IL17RB: variants seen among roughly 807,000 people sequenced by gnomAD.
The protein encoded by IL17RB is interleukin-17 receptor B.
A neutral mutation model predicts 43.9 loss-of-function variants in IL17RB; 36 were observed. The ratio of observed to expected loss-of-function variants is 0.82; its 90% CI spans 0.63 to 1.08. IL17RB has a LOEUF of 1.08. IL17RB is among the 50% of genes least tolerant of loss of function. The probability of loss-of-function intolerance (pLI) is 0.00; values close to 1 mark genes in which losing one functional copy is unlikely to be tolerated. For missense variants in IL17RB, 613 were observed against 613.6 expected, an observed-to-expected ratio of 1.00 and a Z score of 0.01; for synonymous variants, 225 against 225.4, an observed-to-expected ratio of 1.00 and a Z score of 0.02.
At position 53,851,368 on chromosome 3, in the gene IL17RB, G is replaced by A. The variant is rs373491484; in HGVS notation, c.227-631G>A. Among the ~76,000 whole-genome samples the A allele has an allele frequency of 2.9e-4, 44 of 152,308 alleles. No homozygotes were observed. The South Asian group carries it at 8.3e-3, about 29-fold the overall frequency. ...AGCTGTGCTTCATCTGAGTGGGATA[G>A]GGCGAGAGGAGCTGGAAAGGGTCTC... On this transcript the variant is annotated intron_variant, in intron 3 of 10. Transcript: ENST00000288167.
chr3:53,856,149 T>C (rs1239050883), intron 6 of IL17RB, among the ~76,000 whole-genome samples: 2 of 152,168 alleles, frequency 1.3e-5, no homozygotes, highest in Admixed American at 1.3e-4. Context: ...CAGAGGGCCT[T>C]GAAGTCAGTC....
intron 1 of IL17RB, among the ~76,000 whole-genome samples, chr3:53,847,751 C>T (rs950675419): frequency 5.9e-5 from 9 of 152,010 alleles, no homozygotes; most frequent in Non-Finnish European, 1.3e-4. Flanking sequence ...CCGAGATCTG[C>T]GCCACTGTAC....
rs772051181 is a variant in IL17RB at position 53,855,327 on chromosome 3, AG to A, written c.516del (p.Lys172AsnfsTer23). The A allele has an allele frequency of 1.2e-6, 2 of 1,606,434 alleles. No homozygotes were observed. Among genetic ancestry groups the A allele is most frequent in the African/African-American group, 1.3e-5 (1 of 74,834 alleles). On this transcript the variant is annotated frameshift_variant, in exon 6 of 11. Transcript: ENST00000288167. LOFTEE classifies it high-confidence loss of function. ...CLDHIMKYKK[K>X]CVKAGSLWDP... ...GACCACATAATGAAATATAAAAAAAAGTGTGTCAAGGCCGGTAAGTAAATAC... is the reference window on the plus strand; with the variant it reads ...GACCACATAATGAAATATAAAAAAAATGTGTCAAGGCCGGTAAGTAAATAC...
chr3:53,848,769 A>C (rs1028027958), intron 2 of IL17RB, 81 bp downstream of exon 2: 1 of 1,388,970 alleles, frequency 7.2e-7, no homozygotes, highest in African/African-American at 1.4e-5. Flanking sequence ...TATAGGCAAT[A>C]GGTCATCGAA....
At chr3:53,857,774 CTT>C (rs1699398269) in intron 8 of IL17RB, 84 bp downstream of exon 8, 2 of 1,229,294 alleles carry the variant, frequency 1.6e-6, no homozygotes, top group Admixed American at 1.8e-5. Flanking sequence ...TGAGTTCTCT[CTT>C]GTCAAATGCA....
chr3:53,865,495 T>C lies in IL17RB; in HGVS notation c.*187T>C. ...CATTAACTAACGATTGGAAACTACA[T>C]TTACAACTTCAAAGCTGTTTTATAC... On this transcript the variant is annotated 3_prime_UTR_variant, in exon 11 of 11. Transcript: ENST00000288167. 1.8e-6 allele frequency: 1 copy of C among 544,468 alleles called. No individual in the cohort carries two copies. The highest frequency in any genetic ancestry group is 3.2e-6 in the Non-Finnish European group (1 of 310,860). The allele number at this position is 544,468 out of a possible 1,614,324, so 33.7% of individuals were successfully genotyped here.
intron 3 of IL17RB, among the ~76,000 whole-genome samples, chr3:53,850,950 A>ATGTGTGTACTTTT (rs1699121617): frequency 6.6e-6 from 1 of 152,218 alleles, no homozygotes; most frequent in Non-Finnish European, 1.5e-5. Context: ...CAAGTGGTAC[A>ATGTGTGTACTTTT]CTTATGTGTG....
At chr3:53,861,170 C>T (rs954629449) in intron 10 of IL17RB, 24 of 152,142 alleles carry the variant, frequency 1.6e-4, no homozygotes, top group African/African-American at 5.8e-4. Context: ...CAGTGGTTCT[C>T]TGGTATTTTT....
Position 53,857,609 on chromosome 3 carries a change from T to A in IL17RB, c.673-7T>A. On this transcript the variant is annotated splice_polypyrimidine_tract_variant and splice_region_variant and intron_variant, in intron 7 of 10. Coordinates refer to ENST00000288167, the MANE Select transcript of IL17RB (RefSeq NM_018725.4). ...ACCTCATAATTCTTGACTCTCTCTC[T>A]CTTAAGCCACACCAGAAGAAACAAA... 1 of 1,613,844 alleles carries A rather than the reference T, an allele frequency of 6.2e-7. No homozygotes were observed. Among genetic ancestry groups the A allele is most frequent in the Non-Finnish European group, 8.5e-7 (1 of 1,179,756 alleles).
intron 4 of IL17RB, 26 bp from the exon 5 acceptor site, chr3:53,852,845 T>C: frequency 1.2e-6 from 2 of 1,610,818 alleles, no homozygotes; most frequent in Admixed American, 3.3e-5. Flanking sequence ...TTTTGGGAAT[T>C]GAGAGTTCCT....
chr3:53,865,481 G>T lies in IL17RB; in HGVS notation c.*173G>T. On this transcript the variant is annotated 3_prime_UTR_variant, in exon 11 of 11. Transcript: ENST00000288167. ...GCTAACTAATGTAGCATTAACTAAC[G>T]ATTGGAAACTACATTTACAACTTCA... 1.9e-6 allele frequency: 1 copy of T among 538,586 alleles called. No individual in the cohort carries two copies. The highest frequency in any genetic ancestry group is 3.5e-5 in the Admixed American group (1 of 28,784). 33.4% of individuals were successfully genotyped at this position (538,586 alleles called of 1,614,324 possible).
At position 53,865,265 on chromosome 3, in the gene IL17RB, G is replaced by C; in HGVS notation, c.1466G>C (p.Gly489Ala). ...LLHVKQQVSA[G>A]KRSQACHDGC... ...CATGTCAAGCAGCAGGTGTCAGCAGGAAAAAGATCACAAGCCTGCCACGAT... is the reference window on the plus strand; with the variant it reads ...CATGTCAAGCAGCAGGTGTCAGCAGCAAAAAGATCACAAGCCTGCCACGAT... Residue 489 changes from glycine to alanine, a missense_variant, in exon 11 of 11, where the codon GGA becomes GCA. Transcript: ENST00000288167. 1 of 1,610,660 alleles carries C rather than the reference G, an allele frequency of 6.2e-7. No individual in the cohort carries two copies. Among genetic ancestry groups the C allele is most frequent in the Non-Finnish European group, 8.5e-7 (1 of 1,179,962 alleles).
intron 5 of IL17RB, 78 bp from the exon 6 acceptor site, chr3:53,855,216 G>A (rs942030873): frequency 6.0e-6 from 5 of 839,726 alleles, no homozygotes; most frequent in Non-Finnish European, 1.0e-5. Context: ...GTATGCGTAT[G>A]TGTGTGTGCA....
chr3:53,862,333 C>T (rs1362323557), intron 10 of IL17RB, among the ~76,000 whole-genome samples: 1 of 152,068 alleles, frequency 6.6e-6, no homozygotes, highest in East Asian at 1.9e-4. Flanking sequence ...ACACTATGGA[C>T]GAGAACACCA....
rs754412500 is a variant in IL17RB at position 53,858,776 on chromosome 3, G to C, written c.805G>C (p.Val269Leu). The C allele has an allele frequency of 5.0e-6, 8 of 1,614,068 alleles. No individual in the cohort carries two copies. Among genetic ancestry groups the C allele is most frequent in the Admixed American group, 1.7e-5 (1 of 59,994 alleles). ...SDCIRHKGTV[V>L]LCPQTGVPFP... ...CTGCATCCGACATAAAGGAACAGTT[G>C]TGCTCTGCCCACAAACAGGCGTCCC... Residue 269 changes from valine to leucine, a missense_variant, in exon 9 of 11, where the codon GTG becomes CTG. Val to Leu is a conservative substitution (Grantham distance 32, BLOSUM62 1). Coordinates refer to ENST00000288167, the MANE Select transcript of IL17RB (RefSeq NM_018725.4).
chr3:53,864,332 C>A (rs868812928), intron 10 of IL17RB, among the ~76,000 whole-genome samples: 1 of 152,154 alleles, frequency 6.6e-6, no homozygotes, highest in Non-Finnish European at 1.5e-5. Context: ...GTCAGGAGAT[C>A]GAGACCATCC....
At chr3:53,859,501 G>A (rs1699479459) in intron 9 of IL17RB, 1 of 152,512 alleles carries the variant, frequency 6.6e-6, no homozygotes, top group Non-Finnish European at 1.5e-5. Context: ...CTGTGCCTGA[G>A]CTTACCTGAT....
At chr3:53,849,967 C>T (rs1289993704) in intron 3 of IL17RB, among the ~76,000 whole-genome samples, 172 bp downstream of exon 3, 1 of 152,172 alleles carries the variant, frequency 6.6e-6, no homozygotes, top group Non-Finnish European at 1.5e-5. Flanking sequence ...CAACAGGCAA[C>T]ATTAGAAAGC....
In IL17RB at chr3:53,863,147, T is replaced by G. The variant is rs576724039; in HGVS notation, c.947-1599T>G. ...AATACAGCACATAATACACATAACA[T>G]GCAAAATATGTGTTAATTGGCTGTT... On this transcript the variant is annotated intron_variant, in intron 10 of 10. Transcript: ENST00000288167. 2.4e-4 allele frequency among the ~76,000 whole-genome samples: 37 copies of G among 152,346 alleles called. 1 individual carries two copies. The South Asian group carries it at 7.5e-3, about 31-fold the overall frequency.
Sources: allele counts gnomAD v4.1 joint callset (sites outside exome capture counted in the v4.1 genomes callset), GRCh38; gene constraint gnomAD v4.1.1; transcripts MANE v1.5; gene names NCBI Gene and HGNC (gene_info 2026-07-23, HGNC 2026-07-21).